The following SAMD5 variants were observed in gnomAD, a reference collection of about 807,000 sequenced individuals.
SAMD5 encodes the protein sterile alpha motif domain-containing protein 5.
In SAMD5, 13 loss-of-function variants were observed where a neutral mutation model predicts 11.3. The observed-to-expected ratio is 1.15, with a 90% CI of 0.75 to 1.83. SAMD5 has a LOEUF of 1.83. Among genes scored for constraint, SAMD5 ranks in the 40% most tolerant of loss-of-function variants. The probability of loss-of-function intolerance (pLI) is 0.00; values close to 1 mark genes in which losing one functional copy is unlikely to be tolerated. For missense variants in SAMD5, 255 were observed against 239.1 expected, an observed-to-expected ratio of 1.07 and a Z score of -0.44; for synonymous variants, 129 against 111.3, an observed-to-expected ratio of 1.16 and a Z score of -1.00.
At chr6:147,724,218 C>G (rs564277092) in intron 1 of SAMD5, among the ~76,000 whole-genome samples, 7 of 152,320 alleles carry the variant, frequency 4.6e-5, no homozygotes, top group African/African-American at 1.4e-4. Flanking sequence ...ACCTCCTCCT[C>G]AACGGTTCAA....
chr6:147,630,460 G>A (rs142457756), intron 1 of SAMD5, among the ~76,000 whole-genome samples: 20 of 152,118 alleles, frequency 1.3e-4, no homozygotes, highest in Non-Finnish European at 2.2e-4. Flanking sequence ...GAAAATGGCC[G>A]GTTCCTGCCT....
chr6:147,837,174 T>C, the SAMD5 span, among the ~76,000 whole-genome samples: 1 of 152,152 alleles, frequency 6.6e-6, no homozygotes, highest in Non-Finnish European at 1.5e-5. Flanking sequence ...GTGGATACTG[T>C]TGGTTGTTGG....
the SAMD5 span, among the ~76,000 whole-genome samples, chr6:147,764,719 A>G: frequency 7.9e-5 from 12 of 152,356 alleles, no homozygotes; most frequent in South Asian, 6.2e-4. Flanking sequence ...TTTCTTATAT[A>G]TAAAAACAGA....
At chr6:147,618,251 C>T (rs989173337) in intron 1 of SAMD5, among the ~76,000 whole-genome samples, 1 of 152,144 alleles carries the variant, frequency 6.6e-6, no homozygotes, top group African/African-American at 2.4e-5. Flanking sequence ...CCATGCTCAT[C>T]GGCATTAACG....
chr6:147,560,435 C>A (rs1788929802), intron 1 of SAMD5, among the ~76,000 whole-genome samples: 1 of 152,178 alleles, frequency 6.6e-6, no homozygotes, highest in African/African-American at 2.4e-5. Flanking sequence ...AGTTGTCTCC[C>A]AAATTGTATG....
intron 1 of SAMD5, among the ~76,000 whole-genome samples, chr6:147,640,620 A>G (rs1200801626): frequency 6.6e-6 from 1 of 152,056 alleles, no homozygotes; most frequent in East Asian, 1.9e-4. Flanking sequence ...TTTCTCACAT[A>G]TTGAAGAAGG....
intron 1 of SAMD5, among the ~76,000 whole-genome samples, chr6:147,634,081 T>G (rs181726883): frequency 6.6e-6 from 1 of 152,256 alleles, no homozygotes; most frequent in Admixed American, 6.5e-5. Context: ...AATCGTACAA[T>G]GGGTAGTCTT....
chr6:147,878,594 T>TGTATCTATATATATAC, the SAMD5 span, among the ~76,000 whole-genome samples: 2 of 146,448 alleles, frequency 1.4e-5, no homozygotes, highest in African/African-American at 5.0e-5. Flanking sequence ...TAGATATATA[T>TGTATCTATATATATAC]ACATATATAT....
chr6:147,876,374 A>G, the SAMD5 span, among the ~76,000 whole-genome samples: 3 of 152,182 alleles, frequency 2.0e-5, no homozygotes, highest in Non-Finnish European at 4.4e-5. Context: ...GTGAACATTA[A>G]TGCAAGAAGC....
the SAMD5 span, among the ~76,000 whole-genome samples, chr6:147,909,731 T>C: frequency 6.6e-6 from 1 of 151,978 alleles, no homozygotes; most frequent in African/African-American, 2.4e-5. Context: ...TTGTCCATAC[T>C]GCTTTTACAC....
chr6:147,847,416 TA>T, the SAMD5 span, among the ~76,000 whole-genome samples: 35 of 152,056 alleles, frequency 2.3e-4, no homozygotes, highest in South Asian at 3.9e-3. Context: ...ATAAAAACTT[TA>T]AAAAAAACCC....
chr6:147,520,135 G>A (rs1173338370), intron 1 of SAMD5, among the ~76,000 whole-genome samples: 1 of 53,732 alleles, frequency 1.9e-5, no homozygotes, highest in African/African-American at 9.7e-5. Flanking sequence ...TTTTTTTTTT[G>A]GAGATAGAGT....
At position 147,509,303 on chromosome 6, in the gene SAMD5, C is replaced by T. The variant is rs750976670; in HGVS notation, c.375C>T (p.Tyr125=). The T allele has an allele frequency of 3.2e-6, 5 of 1,578,704 alleles. No individual in the cohort carries two copies. Among genetic ancestry groups the T allele is most frequent in the African/African-American group, 1.4e-5 (1 of 72,336 alleles). Reference sequence around the variant, plus strand: ...CCCGCAGCAGGGAGCTGGTGAGCTACCCCAAACTGAAGCTGAAGATCATGA... The same window carrying T: ...CCCGCAGCAGGGAGCTGGTGAGCTATCCCAAACTGAAGCTGAAGATCATGA... ...TAPRSRELVS[Y]PKLKLKIMIR... Residue 125 remains tyrosine, a synonymous_variant, in exon 1 of 2, where the codon TAC becomes TAT. Coordinates refer to ENST00000367474, the MANE Select transcript of SAMD5 (RefSeq NM_001030060.3).
At chr6:147,611,188 G>A (rs905675594) in intron 1 of SAMD5, among the ~76,000 whole-genome samples, 13 of 152,094 alleles carry the variant, frequency 8.5e-5, no homozygotes, top group African/African-American at 2.9e-4. Context: ...AGAGTTCATC[G>A]TCAGAAGTTA....
chr6:147,567,158 C>T lies in SAMD5; in HGVS notation c.*2702C>T. The T allele has an allele frequency of 1.0e-6, 1 of 984,694 alleles. No individual in the cohort carries two copies. The highest frequency in any genetic ancestry group is 1.2e-6 in the Non-Finnish European group (1 of 829,334). The allele number at this position is 984,694 out of a possible 1,614,324, so 61.0% of individuals were successfully genotyped here. A position where few individuals can be genotyped will look rare whatever the true frequency, so the allele number is the denominator to read the frequency against. ...GGGAGGTAAAAAAAGATTTTATTCA[C>T]ATAAAAGATTTCTTGGCATAGGGAA... On this transcript the variant is annotated 3_prime_UTR_variant, in exon 2 of 2. Transcript: ENST00000367474.
At chr6:147,860,677 G>A in the SAMD5 span, among the ~76,000 whole-genome samples, 3 of 152,280 alleles carry the variant, frequency 2.0e-5, no homozygotes, top group African/African-American at 7.2e-5. Flanking sequence ...AAGTTGGTGG[G>A]CTAGATACGA....
intron 1 of SAMD5, among the ~76,000 whole-genome samples, chr6:147,690,983 T>A (rs569467355): frequency 8.3e-4 from 124 of 150,278 alleles, no homozygotes; most frequent in African/African-American, 2.9e-3. Flanking sequence ...TTTTTTTTTT[T>A]TGGTGGGGAT....
At position 147,566,923 on chromosome 6, in the gene SAMD5, C is replaced by T. The variant is rs1211904330; in HGVS notation, c.*2467C>T. On this transcript the variant is annotated 3_prime_UTR_variant, in exon 2 of 2. Transcript: ENST00000367474. ...AGGAGTAATTTTTTCAGCGTTTTTC[C>T]TCTGTATCTAAACACCAATAATATA... The T allele has an allele frequency of 1.1e-6, 1 of 910,598 alleles. No homozygotes were observed. The highest frequency in any genetic ancestry group is 5.1e-5 in the South Asian group (1 of 19,784). 56.4% of individuals were successfully genotyped at this position (910,598 alleles called of 1,614,324 possible). A position where few individuals can be genotyped will look rare whatever the true frequency, so the allele number is the denominator to read the frequency against.
chr6:147,553,021 G>A (rs1448489807), intron 1 of SAMD5, among the ~76,000 whole-genome samples: 13 of 152,210 alleles, frequency 8.5e-5, no homozygotes, highest in Admixed American at 8.5e-4. Context: ...ACATCACTCA[G>A]TGATTGAACT....
Sources: gnomAD v4.1 joint callset for allele counts (sites outside exome capture counted in the v4.1 genomes callset) on GRCh38, gnomAD v4.1.1 for gene constraint, MANE v1.5 for transcripts, NCBI Gene and HGNC (gene_info 2026-07-23, HGNC 2026-07-21) for gene names.